OR4D10: variants seen among roughly 807,000 people sequenced by gnomAD.
OR4D10 encodes the protein olfactory receptor family 4 subfamily D member 10, also known as olfactory receptor 4D10.
For synonymous variants in OR4D10, 188 were observed against 153.2 expected (o/e 1.23, Z -1.68); for missense variants, 395 against 378.0 (o/e 1.04, Z -0.37).
Position 59,477,599 on chromosome 11 carries a change from C to A in OR4D10, c.170C>A (p.Thr57Lys), listed in dbSNP as rs142374527. Residue 57 changes from threonine to lysine, a missense_variant, in exon 3 of 3, where the codon ACG (threonine) becomes AAG (lysine). By Grantham distance (78) the Thr-to-Lys change is moderately conservative. Transcript: ENST00000530162. ...VTVTCESRLHTPMYFLLHNLS... is the reference protein window; with the variant it reads ...VTVTCESRLHKPMYFLLHNLS... ...GTTACCTGTGAATCTCGCCTTCACA[C>A]GCCCATGTATTTTTTGCTCCATAAT... The A allele has an allele frequency of 8.1e-6, 13 of 1,614,094 alleles. No individual in the cohort carries two copies. The highest frequency in any genetic ancestry group is 1.1e-5 in the Non-Finnish European group (13 of 1,179,992).
In OR4D10 at chr11:59,478,420, C is replaced by T; in HGVS notation, c.*55C>T. The T allele has an allele frequency of 8.1e-7, 1 of 1,235,812 alleles. No homozygotes were observed. Among genetic ancestry groups the T allele is most frequent in the Non-Finnish European group, 1.1e-6 (1 of 912,524 alleles). 76.6% of individuals were successfully genotyped at this position (1,235,812 alleles called of 1,614,324 possible). ...AAGATATCTTATATTTATTATTTTT[C>T]CCATGAAGTCATATTCATATATTCA... On this transcript the variant is annotated 3_prime_UTR_variant, in exon 3 of 3. Coordinates refer to ENST00000530162, the MANE Select transcript of OR4D10 (RefSeq NM_001004705.2).
chr11:59,477,197 A>G (rs757621029), intron 2 of OR4D10, 65 bp from the exon 3 acceptor site: 79 of 407,904 alleles, frequency 1.9e-4, no homozygotes, highest in Non-Finnish European at 6.5e-5. Context: ...TTCTTTCCCA[A>G]AGTAGTTCTA....
chr11:59,476,665 G>A (rs1325502423), intron 2 of OR4D10, among the ~76,000 whole-genome samples: 3 of 152,044 alleles, frequency 2.0e-5, no homozygotes, highest in Non-Finnish European at 4.4e-5. Flanking sequence ...GACTCCAACT[G>A]TTATTACCCA....
At chr11:59,474,766 A>C (rs527661839) in intron 2 of OR4D10, among the ~76,000 whole-genome samples, 2 of 152,092 alleles carry the variant, frequency 1.3e-5, no homozygotes, top group Non-Finnish European at 2.9e-5. Context: ...AGAGTAAAGA[A>C]GTCCAAGGGA....
At chr11:59,474,222 T>C (rs1858874772) in intron 2 of OR4D10, among the ~76,000 whole-genome samples, 1 of 152,204 alleles carries the variant, frequency 6.6e-6, no homozygotes, top group Admixed American at 6.5e-5. Context: ...ACTTCATATA[T>C]ACAAAGGACT....
rs779531758 is a variant in OR4D10, at chr11:59,478,279, C to T, written c.850C>T (p.Pro284Ser). Residue 284 changes from proline to serine, a missense_variant, in exon 3 of 3, where the codon CCC becomes TCC. Physicochemically the swap from Pro to Ser is moderately conservative, Grantham distance 74. Transcript: ENST00000530162. Reference sequence around the variant, plus strand: ...CACTGTCATCTCCCCTCTGCTCAACCCCTTGATCTACACTCTGAGGAACCA... The same window carrying T: ...CACTGTCATCTCCCCTCTGCTCAACTCCTTGATCTACACTCTGAGGAACCA... ...TFTVISPLLN[P>S]LIYTLRNHEM... 21 of 1,483,300 alleles carry T rather than the reference C, an allele frequency of 1.4e-5. No individual in the cohort carries two copies. The highest frequency in any genetic ancestry group is 2.4e-5 in the East Asian group (1 of 41,284). The allele number at this position is 1,483,300 out of a possible 1,614,324, so 91.9% of individuals were successfully genotyped here.
At chr11:59,476,528 A>G (rs1386868757) in intron 2 of OR4D10, among the ~76,000 whole-genome samples, 1 of 150,678 alleles carries the variant, frequency 6.6e-6, no homozygotes, top group Non-Finnish European at 1.5e-5. Context: ...CCACAGGTGT[A>G]TGCCACCACG....
intron 2 of OR4D10, among the ~76,000 whole-genome samples, chr11:59,474,771 A>C (rs368509000): frequency 3.9e-5 from 6 of 152,242 alleles, no homozygotes; most frequent in African/African-American, 1.4e-4. Context: ...AAAGAAGTCC[A>C]AGGGACCGGG....
At chr11:59,474,201 G>C (rs912567199) in intron 2 of OR4D10, among the ~76,000 whole-genome samples, 1 of 152,164 alleles carries the variant, frequency 6.6e-6, no homozygotes, top group Non-Finnish European at 1.5e-5. Flanking sequence ...AATAAATCAA[G>C]TTTTTATACC....
Position 59,477,707 on chromosome 11 carries a change from C to CGA in OR4D10, c.278_279insGA (p.Phe94ThrfsTer25). On this transcript the variant is annotated frameshift_variant, in exon 3 of 3. Coordinates refer to ENST00000530162, the MANE Select transcript of OR4D10 (RefSeq NM_001004705.2). LOFTEE classifies it low-confidence loss of function (END_TRUNC). ...CTTCTGTCTGAAAGAAAGACCATCT[C>CGA]CTTCAATCATTGCTTCACTCAGATG... 1.9e-6 allele frequency: 3 copies of CGA among 1,614,170 alleles called. No individual in the cohort carries two copies. The highest frequency in any genetic ancestry group is 2.5e-6 in the Non-Finnish European group (3 of 1,180,014).
At chr11:59,474,946 A>G (rs1346622074) in intron 2 of OR4D10, among the ~76,000 whole-genome samples, 2 of 151,350 alleles carry the variant, frequency 1.3e-5, no homozygotes, top group Non-Finnish European at 2.9e-5. Flanking sequence ...CAGTAGTCCC[A>G]GGTACTAGGG....
At position 59,477,761 on chromosome 11, in the gene OR4D10, A is replaced by G; in HGVS notation, c.332A>G (p.Asp111Gly). 6.2e-7 allele frequency: 1 copy of G among 1,613,958 alleles called. No homozygotes were observed. Among genetic ancestry groups the G allele is most frequent in the Non-Finnish European group, 8.5e-7 (1 of 1,179,996 alleles). ...MFLFHLIGGV[D>G]VFSLSVMALD... The stretch of plus-strand genomic sequence containing the variant: ...CTATTCCACCTTATTGGAGGGGTGG[A>G]TGTATTTTCTCTTTCGGTGATGGCA... The change falls in exon 3 of 3, where the codon GAT (aspartate) becomes GGT (glycine). Residue 111 changes from aspartate to glycine, a missense_variant. Coordinates refer to ENST00000530162, the MANE Select transcript of OR4D10 (RefSeq NM_001004705.2).
rs930617205 is a variant in OR4D10 at position 59,478,573 on chromosome 11, C to T, written c.*208C>T. On this transcript the variant is annotated 3_prime_UTR_variant, in exon 3 of 3. Coordinates refer to ENST00000530162, the MANE Select transcript of OR4D10 (RefSeq NM_001004705.2). ...ATTGAAAATAAACCAGAGCTCCCTC[C>T]TCTTTACCACCAAGATTTTGTTTCA... is the stretch of plus-strand genomic sequence containing the variant. 3 of 399,818 alleles carry T rather than the reference C, an allele frequency of 7.5e-6. No homozygotes were observed. The highest frequency in any genetic ancestry group is 1.3e-5 in the Non-Finnish European group (3 of 227,912). The allele number at this position is 399,818 out of a possible 1,614,324, so 24.8% of individuals were successfully genotyped here.
rs200175576 is a variant in OR4D10 at position 59,477,977 on chromosome 11, G to A, written c.548G>A (p.Arg183Gln). ...GACACTTTCTACTGTGATGTCCACC[G>A]GGTCCTCAAACTGGCCCATACAGAC... ...VLDTFYCDVH[R>Q]VLKLAHTDIF... Residue 183 changes from arginine (R) to glutamine (Q), a missense_variant, in exon 3 of 3, where the codon CGG becomes CAG. By Grantham distance (43) the Arg-to-Gln change is conservative. Transcript: ENST00000530162. The A allele has an allele frequency of 4.7e-5, 76 of 1,614,008 alleles. No homozygotes were observed. The highest frequency in any genetic ancestry group is 4.7e-4 in the African/African-American group (35 of 74,956).
intron 2 of OR4D10, among the ~76,000 whole-genome samples, chr11:59,474,123 C>A (rs921869460): frequency 6.6e-6 from 1 of 152,210 alleles, no homozygotes; most frequent in African/African-American, 2.4e-5. Context: ...AACAAAGATT[C>A]ATGCTATATT....
chr11:59,475,096 C>G (rs946387779), intron 2 of OR4D10, among the ~76,000 whole-genome samples: 1 of 136,440 alleles, frequency 7.3e-6, no homozygotes, highest in African/African-American at 2.7e-5. Context: ...AAAAAGAAAT[C>G]AAAGGACATT....
At position 59,478,472 on chromosome 11, in the gene OR4D10, A is replaced by G. The variant is rs1442168470; in HGVS notation, c.*107A>G. On this transcript the variant is annotated 3_prime_UTR_variant, in exon 3 of 3. Coordinates refer to ENST00000530162, the MANE Select transcript of OR4D10 (RefSeq NM_001004705.2). ...ATATATTGTCAAACCAACTACACTT[A>G]GTAATAATTAATTTTTCTATTTATG... 4.6e-5 allele frequency: 33 copies of G among 723,854 alleles called. No homozygotes were observed. Among genetic ancestry groups the G allele is most frequent in the Non-Finnish European group, 6.9e-5 (33 of 475,754 alleles). 44.8% of individuals were successfully genotyped at this position (723,854 alleles called of 1,614,324 possible).
At position 59,478,531 on chromosome 11, in the gene OR4D10, G is replaced by C. The variant is rs935776746; in HGVS notation, c.*166G>C. 8.0e-6 allele frequency: 4 copies of C among 500,954 alleles called. No homozygotes were observed. Among genetic ancestry groups the C allele is most frequent in the Non-Finnish European group, 1.4e-5 (4 of 292,832 alleles). The allele number at this position is 500,954 out of a possible 1,614,324, so 31.0% of individuals were successfully genotyped here. A position where few individuals can be genotyped will look rare whatever the true frequency, so the allele number is the denominator to read the frequency against. On this transcript the variant is annotated 3_prime_UTR_variant, in exon 3 of 3. Coordinates refer to ENST00000530162, the MANE Select transcript of OR4D10 (RefSeq NM_001004705.2). ...TAACTGATAAGCTTCTGGTCAGGGA[G>C]AGATTCACACCTTCTAATTGAAAAT... is the stretch of plus-strand genomic sequence containing the variant.
chr11:59,477,721 T>G lies in OR4D10; in HGVS notation c.292T>G (p.Phe98Val). 6.2e-7 allele frequency: 1 copy of G among 1,614,186 alleles called. No homozygotes were observed. Among genetic ancestry groups the G allele is most frequent in the Admixed American group, 1.7e-5 (1 of 60,022 alleles). ...AAAGACCATCTCCTTCAATCATTGCTTCACTCAGATGTTTCTATTCCACCT... is the reference window on the plus strand; with the variant it reads ...AAAGACCATCTCCTTCAATCATTGCGTCACTCAGATGTTTCTATTCCACCT... ...ERKTISFNHC[F>V]TQMFLFHLIG... The change falls in exon 3 of 3, where the codon TTC becomes GTC. Residue 98 changes from phenylalanine to valine, a missense_variant. By Grantham distance (50) the Phe-to-Val change is conservative. Transcript: ENST00000530162.
Sources: allele counts gnomAD v4.1 joint callset (sites outside exome capture counted in the v4.1 genomes callset), GRCh38; gene constraint gnomAD v4.1.1; transcripts MANE v1.5; gene names NCBI Gene and HGNC (gene_info 2026-07-23, HGNC 2026-07-21).